PTPRM: variants seen among roughly 807,000 people sequenced by gnomAD.
PTPRM encodes receptor-type tyrosine-protein phosphatase mu.
In PTPRM, 47 loss-of-function variants were observed where a neutral mutation model predicts 186.7. That is an observed-to-expected ratio of 0.25 (90% CI 0.20 to 0.32). The LOEUF (loss-of-function observed/expected upper bound fraction) is 0.32, where lower values mean the gene tolerates loss of function less well. Ranked by LOEUF, PTPRM falls within the 10% of genes least tolerant of loss-of-function variation. The probability of loss-of-function intolerance (pLI) is 1.00; values close to 1 mark genes in which losing one functional copy is unlikely to be tolerated. For synonymous variants in PTPRM, 668 were observed against 674.9 expected, an observed-to-expected ratio of 0.99 and a Z score of 0.16; for missense variants, 1,494 against 1,865.0, an observed-to-expected ratio of 0.80 and a Z score of 3.66.
intron 3 of PTPRM, among the ~76,000 whole-genome samples, chr18:7,902,882 C>G (rs1054355850): frequency 6.8e-6 from 1 of 146,070 alleles, no homozygotes; most frequent in Non-Finnish European, 1.5e-5. Context: ...AAGGGTATGA[C>G]CCTGTATAGC....
chr18:8,399,127 C>G lies in PTPRM; in HGVS notation c.4344+4516C>G, dbSNP rs544229300. Among the ~76,000 whole-genome samples, 3 of 152,320 alleles carry G rather than the reference C, an allele frequency of 2.0e-5. No individual in the cohort carries two copies. In the South Asian group the frequency reaches 6.2e-4, roughly 32 times the overall value. ...AAAATAGAACGAGTGCTCCAAGGAG[C>G]TGAGCAGAGGAGGCTGCTTTATAGG... On this transcript the variant is annotated intron_variant, in intron 32 of 32. Coordinates refer to ENST00000580170, the MANE Select transcript of PTPRM (RefSeq NM_001105244.2).
chr18:7,596,279 G>A (rs2037257197), intron 1 of PTPRM, among the ~76,000 whole-genome samples: 1 of 152,096 alleles, frequency 6.6e-6, no homozygotes, highest in Non-Finnish European at 1.5e-5. Context: ...GACATAGGGA[G>A]GAGTCATGTC....
At chr18:8,331,312 A>G (rs1292668248) in intron 22 of PTPRM, among the ~76,000 whole-genome samples, 6 of 152,204 alleles carry the variant, frequency 3.9e-5, no homozygotes, top group Non-Finnish European at 5.9e-5. Flanking sequence ...CCACCCCATT[A>G]TTGGTTTTAC....
intron 1 of PTPRM, among the ~76,000 whole-genome samples, chr18:7,734,604 A>C (rs779847215): frequency 1.3e-5 from 2 of 152,232 alleles, no homozygotes; most frequent in African/African-American, 2.4e-5. Flanking sequence ...ATGGTTTCAG[A>C]AGAAGTGAAA....
At chr18:7,895,173 C>T (rs1470030005) in intron 3 of PTPRM, among the ~76,000 whole-genome samples, 1 of 151,964 alleles carries the variant, frequency 6.6e-6, no homozygotes, top group Non-Finnish European at 1.5e-5. Context: ...GCCTCACTTT[C>T]CTAATTACAG....
At chr18:8,241,693 T>C (rs1466047728) in intron 14 of PTPRM, among the ~76,000 whole-genome samples, 1 of 152,210 alleles carries the variant, frequency 6.6e-6, no homozygotes, top group South Asian at 2.1e-4. Context: ...CCTCCACTTA[T>C]ATTACTTGCC....
chr18:8,067,994 T>C (rs2089210262), intron 7 of PTPRM, among the ~76,000 whole-genome samples: 1 of 152,204 alleles, frequency 6.6e-6, no homozygotes, highest in Non-Finnish European at 1.5e-5. Context: ...TCTCTTTAGT[T>C]TGGTAGAGAA....
At chr18:7,977,850 C>T (rs904955124) in intron 7 of PTPRM, among the ~76,000 whole-genome samples, 7 of 152,200 alleles carry the variant, frequency 4.6e-5, no homozygotes, top group African/African-American at 1.7e-4. Flanking sequence ...ATCCATGAAA[C>T]AGTGGCAGGC....
intron 30 of PTPRM, among the ~76,000 whole-genome samples, chr18:8,385,423 G>A (rs972023042): frequency 6.6e-6 from 1 of 152,226 alleles, no homozygotes; most frequent in African/African-American, 2.4e-5. Flanking sequence ...GCCTTACAGT[G>A]GGGAGCAAGC....
intron 14 of PTPRM, among the ~76,000 whole-genome samples, chr18:8,193,550 G>A (rs944406723): frequency 1.3e-5 from 2 of 152,210 alleles, no homozygotes; most frequent in Admixed American, 6.5e-5. Context: ...CAACTGTCCT[G>A]TAGCCTGTGG....
chr18:7,567,781 ACCG>A lies in PTPRM; in HGVS notation c.-31_-29del. On this transcript the variant is annotated 5_prime_UTR_variant, in exon 1 of 33. Coordinates refer to ENST00000580170, the MANE Select transcript of PTPRM (RefSeq NM_001105244.2). This position sits in a 1 kb window ranked among gnomAD's most constrained non-coding sequence, Gnocchi z 4.3. The stretch of plus-strand genomic sequence containing the variant: ...CCCCTCCGCCCTCGCGCGCCCACCC[ACCG>A]CCGCCGGGGAGCGGCCCGGCCCGCA... The A allele has an allele frequency of 1.3e-6, 2 of 1,505,696 alleles. No homozygotes were observed. The highest frequency in any genetic ancestry group is 1.5e-5 in the African/African-American group (1 of 68,262). 93.3% of individuals were successfully genotyped at this position (1,505,696 alleles called of 1,614,324 possible).
At chr18:7,908,013 T>C (rs1409002951) in intron 4 of PTPRM, among the ~76,000 whole-genome samples, 1 of 152,150 alleles carries the variant, frequency 6.6e-6, no homozygotes, top group Non-Finnish European at 1.5e-5. Context: ...ACAGTTTTTC[T>C]CTATTAAATA....
At chr18:7,603,006 C>T (rs907251488) in intron 1 of PTPRM, among the ~76,000 whole-genome samples, 33 of 151,456 alleles carry the variant, frequency 2.2e-4, no homozygotes, top group Admixed American at 1.3e-3. Flanking sequence ...CGGCTCGCTA[C>T]AAGCTCCACC....
At chr18:7,642,784 G>A (rs2038474462) in intron 1 of PTPRM, among the ~76,000 whole-genome samples, 1 of 149,604 alleles carries the variant, frequency 6.7e-6, no homozygotes, top group East Asian at 2.0e-4. Flanking sequence ...ATTACCTGTG[G>A]CCACATCAAC....
intron 14 of PTPRM, among the ~76,000 whole-genome samples, chr18:8,143,998 A>G (rs1475831409): frequency 3.9e-5 from 6 of 152,236 alleles, no homozygotes; most frequent in Non-Finnish European, 8.8e-5. Context: ...AAAGCATATC[A>G]TATCAGAATA....
chr18:8,298,426 G>A (rs1226950435), intron 20 of PTPRM, among the ~76,000 whole-genome samples: 1 of 152,178 alleles, frequency 6.6e-6, no homozygotes, highest in African/African-American at 2.4e-5. Context: ...CATACAGAAT[G>A]CAATGAATGT....
At chr18:8,111,891 G>T (rs1410669703) in intron 11 of PTPRM, among the ~76,000 whole-genome samples, 1 of 152,158 alleles carries the variant, frequency 6.6e-6, no homozygotes, top group African/African-American at 2.4e-5. Flanking sequence ...GCGATTTCAA[G>T]AGAATGGTCA....
intron 1 of PTPRM, among the ~76,000 whole-genome samples, chr18:7,654,913 A>G (rs552304645): frequency 6.6e-6 from 1 of 152,328 alleles, no homozygotes; most frequent in Non-Finnish European, 1.5e-5. Flanking sequence ...CTTTTTGCTT[A>G]GGATTGCATT....
Position 8,044,531 on chromosome 18 carries a change from C to T in PTPRM, c.1133-25155C>T, listed in dbSNP as rs547930888. ...AATCACTTTGGGAGGCCAAAGCGGG[C>T]GGATCACCTGAGGTCAGGAGTTCCA... is the stretch of plus-strand genomic sequence containing the variant. On this transcript the variant is annotated intron_variant, in intron 7 of 32. Transcript: ENST00000580170. Among the ~76,000 whole-genome samples the T allele has an allele frequency of 3.3e-5, 5 of 151,952 alleles. No homozygotes were observed. In the South Asian group the frequency reaches 6.3e-4, roughly 19 times the overall value.
Sources: gnomAD v4.1 joint callset for allele counts (sites outside exome capture counted in the v4.1 genomes callset) on GRCh38, gnomAD v4.1.1 for gene constraint, Gnocchi (gnomAD v3.1) non-coding constraint, MANE v1.5 for transcripts, NCBI Gene and HGNC (gene_info 2026-07-23, HGNC 2026-07-21) for gene names.